SLC2A9: variants seen among roughly 807,000 people sequenced by gnomAD.
SLC2A9 encodes solute carrier family 2, facilitated glucose transporter member 9.
A neutral mutation model predicts 50.6 loss-of-function variants in SLC2A9; 39 were observed. The observed-to-expected ratio is 0.77, with a 90% confidence interval of 0.60 to 1.01. SLC2A9 has a LOEUF of 1.01. Among genes scored for constraint, SLC2A9 ranks in the 50% least tolerant of loss-of-function variants. The probability of loss-of-function intolerance (pLI) is 0.00; values close to 1 mark genes in which losing one functional copy is unlikely to be tolerated. For synonymous variants in SLC2A9, 324 were observed against 276.9 expected (o/e 1.17, Z -1.69); for missense variants, 686 against 677.6 (o/e 1.01, Z -0.14).
intron 6 of SLC2A9, among the ~76,000 whole-genome samples, chr4:9,927,378 G>GTCACCTCTTTTA (rs1745099571): frequency 6.6e-6 from 1 of 152,208 alleles, no homozygotes; most frequent in African/African-American, 2.4e-5. Flanking sequence ...GCCACACTTT[G>GTCACCTCTTTTA]TCACCTCTTT....
chr4:9,956,994 A>T (rs1321852003), intron 5 of SLC2A9, among the ~76,000 whole-genome samples: 1 of 152,108 alleles, frequency 6.6e-6, no homozygotes, highest in African/African-American at 2.4e-5. Flanking sequence ...GGAAGTGAAG[A>T]CATTTGCCCC....
chr4:10,026,126 C>T, upstream of SLC2A9: 2 of 676,706 alleles, frequency 3.0e-6, no homozygotes, highest in Non-Finnish European at 5.3e-6. Context: ...GCTGGGATGC[C>T]AGGATAGGAC....
chr4:9,924,362 C>A (rs1744511822), intron 6 of SLC2A9, among the ~76,000 whole-genome samples: 1 of 152,214 alleles, frequency 6.6e-6, no homozygotes, highest in Non-Finnish European at 1.5e-5. Context: ...CAGCAGTTAA[C>A]ACCCCCAGGA....
At chr4:10,020,826 G>T (rs1763416504) in intron 1 of SLC2A9, among the ~76,000 whole-genome samples, 1 of 152,180 alleles carries the variant, frequency 6.6e-6, no homozygotes, top group African/African-American at 2.4e-5. Flanking sequence ...GTGAAGGGCA[G>T]GTGGGGGCCA....
chr4:9,849,018 G>C (rs552126291), intron 10 of SLC2A9, among the ~76,000 whole-genome samples: 2 of 152,198 alleles, frequency 1.3e-5, no homozygotes, highest in Non-Finnish European at 2.9e-5. Context: ...TCTTTATGCA[G>C]TTGAGGAGAT....
intron 10 of SLC2A9, among the ~76,000 whole-genome samples, chr4:9,872,577 T>G (rs1483151584): frequency 6.6e-6 from 1 of 152,250 alleles, no homozygotes; most frequent in Non-Finnish European, 1.5e-5. Flanking sequence ...GTTGTATGCA[T>G]AAATTTCTGG....
chr4:9,907,213 A>C (rs144653532), intron 8 of SLC2A9, among the ~76,000 whole-genome samples: 2 of 152,356 alleles, frequency 1.3e-5, no homozygotes, highest in East Asian at 3.9e-4. Context: ...TGTGTGCCCA[A>C]AATGTGAGGC....
At chr4:9,811,473 T>C (rs11937121) in intron 3 of SLC2A9, among the ~76,000 whole-genome samples, 2,550 of 152,250 alleles carry the variant, frequency 0.017, 80 homozygotes, top group African/African-American at 0.058. Flanking sequence ...CTTTTGGAGA[T>C]GGTAACACTT....
At chr4:9,893,582 G>A (rs914352573) in intron 8 of SLC2A9, among the ~76,000 whole-genome samples, 2 of 146,514 alleles carry the variant, frequency 1.4e-5, no homozygotes, top group Admixed American at 6.8e-5. Flanking sequence ...GGGAGGGAGG[G>A]AGGGAGTGAG....
In SLC2A9 at chr4:9,974,219, C is replaced by T. The variant is rs116024269; in HGVS notation, c.681+6373G>A. On this transcript the variant is annotated intron_variant, in intron 5 of 11. Transcript: ENST00000264784. ...AAGCTGAAAGCATTCCTCTTGAGAA[C>T]TGAAACAAGACAAGGTGCCCACTCT... 4.1e-3 allele frequency among the ~76,000 whole-genome samples: 619 copies of T among 152,296 alleles called. 4 individuals are homozygous for T. Among genetic ancestry groups the T allele is most frequent in the African/African-American group, 0.014 (579 of 41,572 alleles).
intron 6 of SLC2A9, among the ~76,000 whole-genome samples, chr4:9,929,254 G>A (rs1291478422): frequency 6.6e-6 from 1 of 152,228 alleles, no homozygotes; most frequent in Non-Finnish European, 1.5e-5. Flanking sequence ...CAGTGACACT[G>A]GATGCCCTCG....
chr4:9,884,951 T>C (rs974389881), intron 10 of SLC2A9, among the ~76,000 whole-genome samples: 1 of 152,064 alleles, frequency 6.6e-6, no homozygotes, highest in East Asian at 1.9e-4. Flanking sequence ...TTCTCACTCA[T>C]AAGTGTGAGC....
intron 3 of SLC2A9, among the ~76,000 whole-genome samples, chr4:9,817,436 C>A (rs1265568816): frequency 6.6e-6 from 1 of 152,186 alleles, no homozygotes; most frequent in East Asian, 1.9e-4. Flanking sequence ...AAGACTCCTG[C>A]CCTCCTGAAG....
chr4:9,919,261 A>C (rs1157169377), intron 7 of SLC2A9, among the ~76,000 whole-genome samples: 1 of 152,214 alleles, frequency 6.6e-6, no homozygotes, highest in East Asian at 1.9e-4. Flanking sequence ...ATGTAGGTAC[A>C]GCCACTGACC....
chr4:9,987,685 T>C (rs1756967056), intron 3 of SLC2A9, among the ~76,000 whole-genome samples: 1 of 152,124 alleles, frequency 6.6e-6, no homozygotes, highest in Non-Finnish European at 1.5e-5. Flanking sequence ...ACTCATTATA[T>C]AAAAATATAA....
Position 9,985,702 on chromosome 4 carries a change from T to C in SLC2A9, c.502A>G (p.Ile168Val), listed in dbSNP as rs1348719671. 6.2e-7 allele frequency: 1 copy of C among 1,613,882 alleles called. No individual in the cohort carries two copies. Among genetic ancestry groups the C allele is most frequent in the Non-Finnish European group, 8.5e-7 (1 of 1,179,872 alleles). Residue 168 changes from isoleucine (I) to valine (V), a missense_variant, in exon 4 of 12, where the codon ATC (isoleucine) becomes GTC (valine). Transcript: ENST00000264784. ...SLQAGAFEML[I>V]VGRFIMGIDG... ...ATGCCCATGATGAAGCGTCCCACGA[T>C]GAGCATTTCAAAGGCTCCTGCCTGG...
Position 9,920,292 on chromosome 4 carries a change from T to G in SLC2A9, c.1002+93A>C. 2.9e-6 allele frequency: 4 copies of G among 1,395,904 alleles called. 1 individual carries two copies. The South Asian group carries it at 3.7e-5, about 13-fold the overall frequency. 86.5% of individuals were successfully genotyped at this position (1,395,904 alleles called of 1,614,324 possible). Reference sequence around the variant, plus strand: ...TTTGTGGCAATGACAGAACTGAGATTTGAACCTGGGCGTCTGGGGCCCAAG... The same window carrying G: ...TTTGTGGCAATGACAGAACTGAGATGTGAACCTGGGCGTCTGGGGCCCAAG... On this transcript the variant is annotated intron_variant, in intron 7 of 11. Coordinates refer to ENST00000264784, the MANE Select transcript of SLC2A9 (RefSeq NM_020041.3).
chr4:9,880,376 A>G (rs958485743), intron 10 of SLC2A9: 34 of 985,456 alleles, frequency 3.5e-5, no homozygotes, highest in Non-Finnish European at 3.9e-5. Context: ...GTGATCTGGG[A>G]TTGGGAGGTG....
At chr4:9,822,459 A>T (rs954102493), downstream of SLC2A9, among the ~76,000 whole-genome samples, 1 of 152,086 alleles carries the variant, frequency 6.6e-6, no homozygotes, top group African/African-American at 2.4e-5. Flanking sequence ...ATCATGGGTA[A>T]TTCCTCTTGT....
Sources: gnomAD v4.1 joint callset for allele counts (sites outside exome capture counted in the v4.1 genomes callset) on GRCh38, gnomAD v4.1.1 for gene constraint, MANE v1.5 for transcripts, NCBI Gene and HGNC (gene_info 2026-07-23, HGNC 2026-07-21) for gene names.